The following LYRM4 variants were observed in gnomAD, a reference collection of about 807,000 sequenced individuals.
LYRM4 encodes the protein LYR motif containing 4, also known as LYR motif-containing protein 4.
A neutral mutation model predicts 11.7 loss-of-function variants in LYRM4; 9 were observed. The observed-to-expected ratio is 0.77, with a 90% confidence interval of 0.46 to 1.34. The LOEUF is 1.34. Ranked by LOEUF, LYRM4 falls within the 40% of genes most tolerant of loss-of-function variation. LYRM4 has a pLI of 0.00. For synonymous variants in LYRM4, 42 were observed against 40.4 expected, an observed-to-expected ratio of 1.04 and a Z score of -0.15; for missense variants, 133 against 112.5, an observed-to-expected ratio of 1.18 and a Z score of -0.82.
chr6:5,131,827 A>G (rs886165315), intron 2 of LYRM4, among the ~76,000 whole-genome samples: 1 of 152,228 alleles, frequency 6.6e-6, no homozygotes, highest in Non-Finnish European at 1.5e-5. Context: ...GAACGACATT[A>G]TAGAAGAATA....
At chr6:5,120,650 G>A (rs990675503) in intron 2 of LYRM4, among the ~76,000 whole-genome samples, 1 of 152,054 alleles carries the variant, frequency 6.6e-6, no homozygotes, top group Non-Finnish European at 1.5e-5. Flanking sequence ...TTTACAGAGT[G>A]CTGATTGGTC....
At chr6:5,080,202 G>A in the LYRM4 span, among the ~76,000 whole-genome samples, 3 of 152,242 alleles carry the variant, frequency 2.0e-5, no homozygotes, top group Non-Finnish European at 4.4e-5. Context: ...TCAAGGTGGA[G>A]TACATGGTGA....
At chr6:5,077,704 T>C in the LYRM4 span, among the ~76,000 whole-genome samples, 1 of 152,230 alleles carries the variant, frequency 6.6e-6, no homozygotes, top group Non-Finnish European at 1.5e-5. Flanking sequence ...TATATTCTAT[T>C]GGTCCCTTTA....
chr6:5,065,175 T>C, the LYRM4 span, among the ~76,000 whole-genome samples: 1 of 152,208 alleles, frequency 6.6e-6, no homozygotes, highest in Non-Finnish European at 1.5e-5. Flanking sequence ...GTGTTCTCCA[T>C]GTCTTTTTGT....
chr6:5,042,593 C>T, the LYRM4 span: 1 of 152,620 alleles, frequency 6.6e-6, no homozygotes, highest in African/African-American at 2.4e-5. Flanking sequence ...TGCAGTTGCA[C>T]AGGGTACCTC....
intron 2 of LYRM4, among the ~76,000 whole-genome samples, chr6:5,179,899 T>A (rs1356797601): frequency 6.6e-6 from 1 of 152,250 alleles, no homozygotes; most frequent in Non-Finnish European, 1.5e-5. Context: ...CTTTAGACTA[T>A]GGCTCTGCTT....
the LYRM4 span, among the ~76,000 whole-genome samples, chr6:5,063,597 C>T: frequency 2.6e-5 from 4 of 152,212 alleles, no homozygotes; most frequent in Non-Finnish European, 5.9e-5. Context: ...GGCTTGTTCA[C>T]CTATGTCTCC....
chr6:5,131,423 G>A (rs1763946492), intron 2 of LYRM4, among the ~76,000 whole-genome samples: 1 of 152,112 alleles, frequency 6.6e-6, no homozygotes, highest in Non-Finnish European at 1.5e-5. Flanking sequence ...TGTCTGGCTG[G>A]GTGCAATGGC....
At chr6:5,123,203 A>C (rs1763540720) in intron 2 of LYRM4, among the ~76,000 whole-genome samples, 1 of 152,152 alleles carries the variant, frequency 6.6e-6, no homozygotes, top group Non-Finnish European at 1.5e-5. Flanking sequence ...GTGCTCTGAG[A>C]ATACTTGACC....
rs1241951451 is a variant in LYRM4, at chr6:5,245,102, AAAAAAAAAAAAATATATATATATAT to A, written c.86+15521_86+15545del. On this transcript the variant is annotated intron_variant, in intron 1 of 2. Coordinates refer to ENST00000330636, the MANE Select transcript of LYRM4 (RefSeq NM_020408.6). Reference sequence around the variant, plus strand: ...GCAGGAAGACCTTAAAAAAAAAAAAAAAAAAAAAAAAATATATATATATATATATATATATATATATATATATATA... The same window carrying A: ...GCAGGAAGACCTTAAAAAAAAAAAAAATATATATATATATATATATATATA... Among the ~76,000 whole-genome samples the A allele has an allele frequency of 3.9e-4, 22 of 56,516 alleles. 1 individual carries two copies. The highest frequency in any genetic ancestry group is 6.4e-4 in the African/African-American group (10 of 15,702). 37.1% of individuals were successfully genotyped at this position (56,516 alleles called of 152,430 possible).
chr6:5,098,933 T>C (rs1762417926), downstream of LYRM4, among the ~76,000 whole-genome samples: 4 of 152,144 alleles, frequency 2.6e-5, no homozygotes, highest in Admixed American at 2.6e-4. Context: ...CACATCTGGT[T>C]GCCGAGAGGA....
At chr6:5,056,720 A>G in the LYRM4 span, among the ~76,000 whole-genome samples, 1 of 152,220 alleles carries the variant, frequency 6.6e-6, no homozygotes, top group African/African-American at 2.4e-5. Context: ...CAAAGTTCAG[A>G]TTTTAACCTT....
At chr6:5,063,887 C>T in the LYRM4 span, among the ~76,000 whole-genome samples, 1 of 152,214 alleles carries the variant, frequency 6.6e-6, no homozygotes, top group Non-Finnish European at 1.5e-5. Context: ...GTGGCATGCG[C>T]TGGTCCCAGG....
chr6:5,182,772 A>G (rs1760153828), intron 2 of LYRM4, among the ~76,000 whole-genome samples: 1 of 152,240 alleles, frequency 6.6e-6, no homozygotes, highest in Admixed American at 6.5e-5. Flanking sequence ...TGTGGCCTGT[A>G]TAACACCTGA....
intron 2 of LYRM4, among the ~76,000 whole-genome samples, chr6:5,140,766 T>C (rs1407082063): frequency 6.6e-6 from 1 of 152,250 alleles, no homozygotes; most frequent in South Asian, 2.1e-4. Flanking sequence ...AGGTAAACTT[T>C]ATGTTACGTA....
chr6:5,116,651 G>C (rs535280404), intron 2 of LYRM4, among the ~76,000 whole-genome samples: 1 of 152,284 alleles, frequency 6.6e-6, no homozygotes, highest in Admixed American at 6.5e-5. Flanking sequence ...AGCCACATCA[G>C]ACTATTACTG....
At chr6:5,055,860 G>A in the LYRM4 span, among the ~76,000 whole-genome samples, 11 of 152,278 alleles carry the variant, frequency 7.2e-5, no homozygotes, top group South Asian at 2.1e-4. This position sits in a 1 kb window ranked among gnomAD's most constrained non-coding sequence, Gnocchi z 4.5. Flanking sequence ...TAAAAACCAC[G>A]TGCACCCTGC....
chr6:5,108,373 A>T, downstream of LYRM4: 3 of 910,272 alleles, frequency 3.3e-6, no homozygotes, highest in African/African-American at 3.6e-5. Flanking sequence ...CAAGCAAGTT[A>T]TTTAATATGT....
At chr6:5,134,945 A>AGGGTGCGGTTCG (rs1756999244) in intron 2 of LYRM4, among the ~76,000 whole-genome samples, 2 of 91,068 alleles carry the variant, frequency 2.2e-5, no homozygotes, top group Admixed American at 1.0e-4. Flanking sequence ...GGTGCGGATC[A>AGGGTGCGGTTCG]CTCCCGGGAC....
Sources: gnomAD v4.1 joint callset for allele counts (sites outside exome capture counted in the v4.1 genomes callset) on GRCh38, gnomAD v4.1.1 for gene constraint, Gnocchi (gnomAD v3.1) non-coding constraint, MANE v1.5 for transcripts, NCBI Gene and HGNC (gene_info 2026-07-23, HGNC 2026-07-21) for gene names.